Variants in SPHKAP observed in about 807,000 individuals in gnomAD.
SPHKAP encodes the protein A-kinase anchor protein SPHKAP.
SPHKAP carries 67 observed loss-of-function variants against 137.5 expected under a neutral mutation model. The observed-to-expected ratio is 0.49, with a 90% confidence interval of 0.40 to 0.60. SPHKAP has a LOEUF of 0.60. Ranked by LOEUF, SPHKAP falls within the 20% of genes least tolerant of loss-of-function variation. The pLI is 0.00. For missense variants in SPHKAP, 2,097 were observed against 2,069.3 expected (o/e 1.01, Z -0.26); for synonymous variants, 813 against 785.3 (o/e 1.04, Z -0.59).
At chr2:228,004,293 G>C (rs1056630821) in intron 7 of SPHKAP, among the ~76,000 whole-genome samples, 1 of 152,010 alleles carries the variant, frequency 6.6e-6, no homozygotes, top group African/African-American at 2.4e-5. Flanking sequence ...GTCTTGAGAG[G>C]GTGTATGTGT....
chr2:228,088,073 A>G (rs1697595090), intron 3 of SPHKAP, among the ~76,000 whole-genome samples: 1 of 152,192 alleles, frequency 6.6e-6, no homozygotes, highest in Non-Finnish European at 1.5e-5. Flanking sequence ...AAGAAAGGGG[A>G]TAGAACTGAG....
intron 2 of SPHKAP, among the ~76,000 whole-genome samples, chr2:228,124,037 C>T (rs955183601): frequency 6.6e-6 from 1 of 151,482 alleles, no homozygotes; most frequent in South Asian, 2.1e-4. Context: ...CGATGAGATA[C>T]CATCTTGCAC....
chr2:227,989,196 T>G (rs1415379579), intron 11 of SPHKAP, among the ~76,000 whole-genome samples: 1 of 152,176 alleles, frequency 6.6e-6, no homozygotes, highest in Non-Finnish European at 1.5e-5. Flanking sequence ...ATCCAGATTG[T>G]AAGCCCAAGG....
intron 1 of SPHKAP, among the ~76,000 whole-genome samples, chr2:228,147,837 GACTATT>G (rs1284079090): frequency 6.6e-6 from 1 of 152,148 alleles, no homozygotes; most frequent in African/African-American, 2.4e-5. Context: ...GGTGCTATTT[GACTATT>G]ACATTTCTAA....
At chr2:228,008,407 C>T (rs1694224156) in intron 7 of SPHKAP, among the ~76,000 whole-genome samples, 1 of 151,900 alleles carries the variant, frequency 6.6e-6, no homozygotes, top group Non-Finnish European at 1.5e-5. Context: ...AGAGATTCTC[C>T]TGTCTCAGCC....
Position 228,016,725 on chromosome 2 carries a change from TA to T in SPHKAP, c.4128del (p.Thr1377ProfsTer11), listed in dbSNP as rs1694610537. 1 of 1,614,088 alleles carries T rather than the reference TA, an allele frequency of 6.2e-7. No individual in the cohort carries two copies. The highest frequency in any genetic ancestry group is 8.5e-7 in the Non-Finnish European group (1 of 1,180,020). On this transcript the variant is annotated frameshift_variant, in exon 7 of 12. Coordinates refer to ENST00000392056, the MANE Select transcript of SPHKAP (RefSeq NM_001142644.2). LOFTEE classifies it high-confidence loss of function. ...ESLDCPRKDS[V>X]TECKQPPVSS... ...GACACTGGGGGCTGTTTACATTCGGTAACAGAGTCTTTCCTCGGGCAATCGA... is the reference window on the plus strand; with the variant it reads ...GACACTGGGGGCTGTTTACATTCGGTACAGAGTCTTTCCTCGGGCAATCGA...
chr2:227,981,884 G>A (rs1393680966), intron 11 of SPHKAP, 24 bp from the exon 12 acceptor site: 1 of 1,607,184 alleles, frequency 6.2e-7, no homozygotes, highest in Non-Finnish European at 8.5e-7. Context: ...GAGAGTTAGG[G>A]CTCACAGAGC....
At position 228,020,107 on chromosome 2, in the gene SPHKAP, T is replaced by C; in HGVS notation, c.747A>G (p.Leu249=). 6.2e-7 allele frequency: 1 copy of C among 1,613,066 alleles called. No homozygotes were observed. The highest frequency in any genetic ancestry group is 8.5e-7 in the Non-Finnish European group (1 of 1,179,766). The change falls in exon 7 of 12, where the codon CTA becomes CTG. Residue 249 remains leucine (L), a synonymous_variant. Coordinates refer to ENST00000392056, the MANE Select transcript of SPHKAP (RefSeq NM_001142644.2). ...VSANVLESKQ[L]KGATQVEWNC... is the part of the protein sequence containing the mutation. ...TCCATTCCACCTGGGTGGCTCCCTT[T>C]AGCTGTTTACTTTCCAAAACATTGG...
intron 1 of SPHKAP, among the ~76,000 whole-genome samples, chr2:228,159,507 C>T (rs991671956): frequency 2.6e-5 from 4 of 152,156 alleles, no homozygotes; most frequent in Non-Finnish European, 4.4e-5. Context: ...TGCTATCTCC[C>T]TGCATGTTTG....
chr2:228,147,147 A>T (rs1257539366), intron 1 of SPHKAP, among the ~76,000 whole-genome samples: 1 of 152,198 alleles, frequency 6.6e-6, no homozygotes, highest in East Asian at 1.9e-4. Context: ...AATGCCTGAC[A>T]ATTAGTCAGT....
chr2:228,109,007 C>CTCTT, intron 2 of SPHKAP, 68 bp from the exon 3 acceptor site: 2 of 719,328 alleles, frequency 2.8e-6, no homozygotes, highest in Non-Finnish European at 4.0e-6. Context: ...AGCTCTCTCT[C>CTCTT]TTTTTTTTTT....
At position 227,993,592 on chromosome 2, in the gene SPHKAP, G is replaced by C. The variant is rs192502309; in HGVS notation, c.4663C>G (p.Leu1555Val). 2 of 1,601,362 alleles carry C rather than the reference G, an allele frequency of 1.2e-6. No individual in the cohort carries two copies. Among genetic ancestry groups the C allele is most frequent in the Non-Finnish European group, 1.7e-6 (2 of 1,173,828 alleles). Residue 1555 changes from leucine (L) to valine (V), a missense_variant, in exon 9 of 12, where the codon CTT becomes GTT. Transcript: ENST00000392056. ...TAAATGTCCAGATCCATAATGCCAA[G>C]ACTGCTAGTGGCACTACTGTTGCCA... ...SNGNSSATSS[L>V]GIMDLDIYQE...
At chr2:228,120,763 G>T (rs959074094) in intron 2 of SPHKAP, among the ~76,000 whole-genome samples, 1 of 152,200 alleles carries the variant, frequency 6.6e-6, no homozygotes, top group African/African-American at 2.4e-5. Context: ...AGAAGGCTTT[G>T]AAAGTTGATC....
rs551399789 is a variant in SPHKAP, at chr2:227,982,540, AATAATT to A, written c.4960-686_4960-681del. 3.0e-4 allele frequency among the ~76,000 whole-genome samples: 45 copies of A among 152,342 alleles called. No individual in the cohort carries two copies. The South Asian group carries it at 9.3e-3, about 32-fold the overall frequency. ...GGCTTGAAGGGAGGAAAAATGGAGAAATAATTATAAGTCATTCTCTTCATGGAACTG... is the reference window on the plus strand; with the variant it reads ...GGCTTGAAGGGAGGAAAAATGGAGAAATAAGTCATTCTCTTCATGGAACTG... On this transcript the variant is annotated intron_variant, in intron 11 of 11. Transcript: ENST00000392056.
intron 3 of SPHKAP, among the ~76,000 whole-genome samples, chr2:228,071,064 G>A (rs1482401083): frequency 6.6e-6 from 1 of 152,108 alleles, no homozygotes; most frequent in Admixed American, 6.5e-5. Flanking sequence ...GGACCTCATT[G>A]TCTACACCTT....
At chr2:228,070,325 G>T (rs1696965431) in intron 3 of SPHKAP, among the ~76,000 whole-genome samples, 1 of 152,194 alleles carries the variant, frequency 6.6e-6, no homozygotes, top group African/African-American at 2.4e-5. Context: ...TGGTCCTACT[G>T]TCTCAAGGGC....
chr2:228,015,506 G>T (rs1015358365), intron 7 of SPHKAP, among the ~76,000 whole-genome samples: 4 of 152,108 alleles, frequency 2.6e-5, no homozygotes, highest in African/African-American at 9.7e-5. Flanking sequence ...ACAAACCAAA[G>T]CTAAAGAAAT....
chr2:228,155,542 A>G (rs72969099), intron 1 of SPHKAP, among the ~76,000 whole-genome samples: 247 of 152,296 alleles, frequency 1.6e-3, no homozygotes, highest in Non-Finnish European at 2.6e-3. Context: ...ACCACATTTC[A>G]TCTTTTCTGG....
intron 2 of SPHKAP, among the ~76,000 whole-genome samples, chr2:228,113,669 G>A (rs931354702): frequency 2.1e-5 from 3 of 139,616 alleles, no homozygotes; most frequent in Non-Finnish European, 4.7e-5. Flanking sequence ...GTGTGTTCAG[G>A]AGGTTTGAAT....
Sources: allele counts gnomAD v4.1 joint callset (sites outside exome capture counted in the v4.1 genomes callset), GRCh38; gene constraint gnomAD v4.1.1; transcripts MANE v1.5; gene names NCBI Gene and HGNC (gene_info 2026-07-23, HGNC 2026-07-21).